The following CSF1R variants were observed in gnomAD, a reference collection of about 807,000 sequenced individuals.
CSF1R encodes the protein macrophage colony-stimulating factor 1 receptor.
CSF1R carries 40 observed loss-of-function variants against 110.0 expected under a neutral mutation model. The observed-to-expected ratio is 0.36, with a 90% CI of 0.28 to 0.47. The LOEUF is 0.47. CSF1R is among the 20% of genes least tolerant of loss of function. The pLI is 0.99. For missense variants in CSF1R, 1,052 were observed against 1,253.0 expected, an observed-to-expected ratio of 0.84 and a Z score of 2.42; for synonymous variants, 523 against 503.4, an observed-to-expected ratio of 1.04 and a Z score of -0.52.
At position 150,055,390 on chromosome 5, in the gene CSF1R, C is replaced by T. The variant is rs893892607; in HGVS notation, c.2555-54G>A. 6.3e-5 allele frequency: 90 copies of T among 1,439,552 alleles called. No individual in the cohort carries two copies. In the African/African-American group the frequency reaches 1.1e-3, roughly 18 times the overall value. 89.2% of individuals were successfully genotyped at this position (1,439,552 alleles called of 1,614,324 possible). A position where few individuals can be genotyped will look rare whatever the true frequency, so the allele number is the denominator to read the frequency against. On this transcript the variant is annotated intron_variant, in intron 18 of 20. Transcript: ENST00000675795. ...CATGCCCATTGTCTTCTCCCCATTC[C>T]CGCACACCCACACACATCTTAGACT...
intron 1 of CSF1R, among the ~76,000 whole-genome samples, chr5:150,084,440 AAG>A (rs1412660883): frequency 5.2e-5 from 4 of 77,440 alleles, no homozygotes. Context: ...GGAAGGAAGG[AAG>A]GAAGGAAGGA....
At chr5:150,079,979 C>A in intron 3 of CSF1R, 73 bp downstream of exon 3, 1 of 1,547,340 alleles carries the variant, frequency 6.5e-7, no homozygotes, top group Non-Finnish European at 8.8e-7. Context: ...AGTCCCCAGT[C>A]ACCACCCATG....
At chr5:150,088,823 T>C (rs143727619), upstream of CSF1R, among the ~76,000 whole-genome samples, 305 of 152,308 alleles carry the variant, frequency 2.0e-3, 2 homozygotes, top group East Asian at 0.04. Context: ...CGTGAGCCAC[T>C]GCACCCAGCC....
At position 150,096,145 on chromosome 5, in the gene CSF1R, T is replaced by C. The variant is rs191706912; in HGVS notation, c.-180-9538A>G. 1.2e-3 allele frequency among the ~76,000 whole-genome samples: 189 copies of C among 152,270 alleles called. 1 individual carries two copies. The highest frequency in any genetic ancestry group is 7.9e-4 in the Non-Finnish European group (54 of 68,016). On this transcript the variant is annotated intron_variant, in intron 1 of 21. Coordinates refer to the CSF1R transcript ENST00000286301. ...TGGCTCATGCCTGTAATCCCAGCAC[T>C]TTGGGAGACCGAGGCGGGCGGATCA...
rs768338407 is a variant in CSF1R at position 150,070,576 on chromosome 5, AG to A, written c.1083-6del. On this transcript the variant is annotated splice_polypyrimidine_tract_variant and splice_region_variant and intron_variant, in intron 6 of 20. Transcript: ENST00000675795. ...AGAGAGAGGGTGAAGGTGTGCCTGC[AG>A]GAGAGAATCAGGTGGTGTTGGTGAG... 6.6e-7 allele frequency: 1 copy of A among 1,510,732 alleles called. No individual in the cohort carries two copies. The allele number at this position is 1,510,732 out of a possible 1,614,324, so 93.6% of individuals were successfully genotyped here.
At chr5:150,063,549 C>A (rs998500242) in intron 10 of CSF1R, among the ~76,000 whole-genome samples, 6 of 151,768 alleles carry the variant, frequency 4.0e-5, no homozygotes, top group Non-Finnish European at 8.8e-5. Flanking sequence ...AGAGACGCTG[C>A]CCACTAGATA....
chr5:150,076,352 ATCTATCTATCTATCT>A (rs1391266006), intron 5 of CSF1R, among the ~76,000 whole-genome samples: 1 of 147,634 alleles, frequency 6.8e-6, no homozygotes, highest in Non-Finnish European at 1.5e-5. Flanking sequence ...CTATCTATCT[ATCTATCTATCTATCT>A]ATCTATCTAA....
In CSF1R at chr5:150,068,312, G is replaced by A. The variant is rs546270503; in HGVS notation, c.1529C>T (p.Pro510Leu). 67 of 1,612,434 alleles carry A rather than the reference G, an allele frequency of 4.2e-5. No homozygotes were observed. The highest frequency in any genetic ancestry group is 2.8e-4 in the Admixed American group (17 of 59,986). The change falls in exon 10 of 21, where the codon CCG (proline) becomes CTG (leucine). Residue 510 changes from proline (P) to leucine (L), a missense_variant. By Grantham distance (98) the Pro-to-Leu change is moderately conservative. This residue lies in a region of CSF1R where 693 missense variants were observed against 735.4 expected (regional missense o/e 0.94). Transcript: ENST00000675795. The stretch of plus-strand genomic sequence containing the variant: ...CACTGGTGTGAAGAGGAACTCATCC[G>A]GGGGATGCGTGTGGGCTCCTGGAAG... The part of the protein sequence containing the change: ...PISAGAHTHP[P>L]DEFLFTPVVV...
At chr5:150,063,532 GAGAA>G (rs1219427747) in intron 10 of CSF1R, among the ~76,000 whole-genome samples, 2 of 151,858 alleles carry the variant, frequency 1.3e-5, no homozygotes, top group Non-Finnish European at 2.9e-5. Flanking sequence ...CTTTTTGAGA[GAGAA>G]AGAGAGACGC....
At position 150,079,182 on chromosome 5, in the gene CSF1R, A is replaced by G. The variant is rs1318081870; in HGVS notation, c.592+870T>C. Among the ~76,000 whole-genome samples, 4 of 152,346 alleles carry G rather than the reference A, an allele frequency of 2.6e-5. No homozygotes were observed. The East Asian group carries it at 5.8e-4, about 22-fold the overall frequency. ...GGCCCAGGACCTTTGGCTCTTGGCC[A>G]GCCCAGGGCTCTGCAGGATGAAATG... On this transcript the variant is annotated intron_variant, in intron 3 of 20. Transcript: ENST00000675795.
chr5:150,076,779 G>T, intron 5 of CSF1R: 1 of 226,700 alleles, frequency 4.4e-6, no homozygotes, highest in Non-Finnish European at 8.8e-6. Context: ...TCTGCCAGAA[G>T]CGCTGTTCCC....
intron 14 of CSF1R, among the ~76,000 whole-genome samples, chr5:150,059,066 C>T (rs769086002): frequency 4.6e-5 from 7 of 151,946 alleles, no homozygotes; most frequent in East Asian, 1.9e-4. Context: ...TTTTTTGAGA[C>T]GGAGTTTCAT....
chr5:150,066,822 G>A (rs1757795053), intron 10 of CSF1R, among the ~76,000 whole-genome samples: 2 of 152,134 alleles, frequency 1.3e-5, no homozygotes, highest in Admixed American at 1.3e-4. Flanking sequence ...ACCCACTGAT[G>A]GCCTTGGACC....
chr5:150,097,312 A>AGGGGAAGGGGAAGGGGAAGGAGAAGG (rs1759257549), intron 1 of CSF1R, among the ~76,000 whole-genome samples: 1 of 144,182 alleles, frequency 6.9e-6, no homozygotes, highest in Non-Finnish European at 1.5e-5. Context: ...GGAAAGGGAA[A>AGGGGAAGGGGAAGGGGAAGGAGAAGG]GGGGAAGGGG....
intron 4 of CSF1R, among the ~76,000 whole-genome samples, chr5:150,077,642 G>A (rs1423962193): frequency 1.3e-5 from 2 of 152,188 alleles, no homozygotes; most frequent in Non-Finnish European, 2.9e-5. Flanking sequence ...TTAGGGCTGT[G>A]TCTGGAACAC....
At chr5:150,072,108 G>A (rs897490178) in intron 6 of CSF1R, among the ~76,000 whole-genome samples, 16 of 152,360 alleles carry the variant, frequency 1.1e-4, no homozygotes, top group African/African-American at 3.8e-4. Context: ...GAACAGAGTT[G>A]CAGAAACAAG....
At chr5:150,102,260 G>A (rs1470952452) in intron 1 of CSF1R, among the ~76,000 whole-genome samples, 1 of 152,234 alleles carries the variant, frequency 6.6e-6, no homozygotes, top group Non-Finnish European at 1.5e-5. Flanking sequence ...AACAGTGTGT[G>A]AGAAATGCAG....
At chr5:150,100,635 A>G (rs1759377672) in intron 1 of CSF1R, among the ~76,000 whole-genome samples, 1 of 152,168 alleles carries the variant, frequency 6.6e-6, no homozygotes, top group African/African-American at 2.4e-5. Flanking sequence ...AAGGGTATAA[A>G]TTGATACAAC....
At chr5:150,071,749 C>T (rs1401388539) in intron 6 of CSF1R, among the ~76,000 whole-genome samples, 3 of 152,166 alleles carry the variant, frequency 2.0e-5, no homozygotes, top group Admixed American at 6.5e-5. Flanking sequence ...CCCATTAAAC[C>T]GATCCATGGA....
Sources: allele counts gnomAD v4.1 joint callset (sites outside exome capture counted in the v4.1 genomes callset), GRCh38; gene constraint gnomAD v4.1.1; regional missense constraint gnomAD v4.1.1; transcripts MANE v1.5; gene names NCBI Gene and HGNC (gene_info 2026-07-23, HGNC 2026-07-21).